NRXN1: variants seen among roughly 807,000 people sequenced by gnomAD.
The protein encoded by NRXN1 is neurexin-1.
Under a neutral mutation model 150.9 loss-of-function variants are expected in NRXN1, and 39 were observed. The ratio of observed to expected loss-of-function variants is 0.26; its 90% CI spans 0.20 to 0.34. The LOEUF is 0.34. Ranked by LOEUF, NRXN1 falls within the 10% of genes least tolerant of loss-of-function variation. The pLI is 1.00. For synonymous variants in NRXN1, 924 were observed against 757.0 expected (o/e 1.22, Z -3.62); for missense variants, 1,815 against 1,949.9 (o/e 0.93, Z 1.30).
At chr2:50,112,748 T>A (rs1702544224) in intron 18 of NRXN1, among the ~76,000 whole-genome samples, 1 of 152,054 alleles carries the variant, frequency 6.6e-6, no homozygotes, top group African/African-American at 2.4e-5. Flanking sequence ...AGCATAAAAT[T>A]CATACCTGCC....
intron 2 of NRXN1, among the ~76,000 whole-genome samples, chr2:50,933,588 T>C (rs1412714275): frequency 6.6e-6 from 1 of 152,118 alleles, no homozygotes; most frequent in Non-Finnish European, 1.5e-5. Flanking sequence ...TTTGAAGATA[T>C]TATATATGTA....
At chr2:50,921,915 G>T in intron 4 of NRXN1, 35 bp from the exon 5 acceptor site, 1 of 1,354,400 alleles carries the variant, frequency 7.4e-7, no homozygotes, top group Non-Finnish European at 9.8e-7. Context: ...ATGAAGAAAG[G>T]GTTTCCAGAC....
intron 5 of NRXN1, among the ~76,000 whole-genome samples, chr2:50,792,299 A>C (rs1444237966): frequency 1.3e-5 from 2 of 152,098 alleles, no homozygotes; most frequent in South Asian, 4.1e-4. Context: ...AATACAGACT[A>C]TATTATTAAC....
intron 19 of NRXN1, among the ~76,000 whole-genome samples, chr2:50,062,254 G>T (rs1694657792): frequency 6.6e-6 from 1 of 152,038 alleles, no homozygotes; most frequent in African/African-American, 2.4e-5. Context: ...TTTGGGAGCT[G>T]ATTAGGTCAT....
In NRXN1 at chr2:50,432,122, C is replaced by G. The variant is rs571981017; in HGVS notation, c.3364+33320G>C. On this transcript the variant is annotated intron_variant, in intron 17 of 22. Transcript: ENST00000401669. ...CCTAGTTCATTTCAGGGAGTGAATACCTATGCTCCACACCCAGGCTCATTT... is the reference window on the plus strand; with the variant it reads ...CCTAGTTCATTTCAGGGAGTGAATAGCTATGCTCCACACCCAGGCTCATTT... 3.5e-4 allele frequency among the ~76,000 whole-genome samples: 54 copies of G among 152,240 alleles called. No individual in the cohort carries two copies. In the East Asian group the frequency reaches 9.7e-3, roughly 27 times the overall value.
chr2:50,698,243 C>T (rs979136402), intron 5 of NRXN1, among the ~76,000 whole-genome samples: 1 of 152,186 alleles, frequency 6.6e-6, no homozygotes, highest in Non-Finnish European at 1.5e-5. Context: ...TGTCCAAGGA[C>T]ATTTGGTAGT....
intron 5 of NRXN1, among the ~76,000 whole-genome samples, chr2:50,807,794 G>C (rs10490177): frequency 0.1 from 15,797 of 152,110 alleles, 910 homozygotes; most frequent in Admixed American, 0.14. Flanking sequence ...ACAAAAGAAA[G>C]TAATCTTCTT....
chr2:50,148,695 G>C (rs2058514444), intron 18 of NRXN1, among the ~76,000 whole-genome samples: 1 of 151,710 alleles, frequency 6.6e-6, no homozygotes, highest in Non-Finnish European at 1.5e-5. Flanking sequence ...AAGTGCCCCT[G>C]ATGCTACTGT....
At chr2:50,090,623 T>G in intron 19 of NRXN1, among the ~76,000 whole-genome samples, 1 of 152,184 alleles carries the variant, frequency 6.6e-6, no homozygotes, top group East Asian at 1.9e-4. Flanking sequence ...CTACCACCTT[T>G]GTTTCAATAA....
chr2:50,044,993 T>C (rs1262174314), intron 21 of NRXN1, among the ~76,000 whole-genome samples: 1 of 152,194 alleles, frequency 6.6e-6, no homozygotes, highest in African/African-American at 2.4e-5. Flanking sequence ...GTGCTATTTG[T>C]CTGCTTGAGA....
chr2:50,802,709 G>C (rs1002684037), intron 5 of NRXN1, among the ~76,000 whole-genome samples: 3 of 152,078 alleles, frequency 2.0e-5, no homozygotes, highest in African/African-American at 7.2e-5. Context: ...GTTAAAATGA[G>C]GTCATTCATG....
chr2:50,202,155 C>G (rs947035757), intron 18 of NRXN1, among the ~76,000 whole-genome samples: 1 of 152,100 alleles, frequency 6.6e-6, no homozygotes, highest in Non-Finnish European at 1.5e-5. Context: ...CAAAGGGCTA[C>G]AGCAAACGAA....
At chr2:50,837,202 C>T (rs116678196) in intron 5 of NRXN1, among the ~76,000 whole-genome samples, 601 of 152,202 alleles carry the variant, frequency 3.9e-3, no homozygotes, top group African/African-American at 5.0e-3. Context: ...TCTTAAGAAA[C>T]AACAAGTAGT....
intron 17 of NRXN1, among the ~76,000 whole-genome samples, chr2:50,291,861 G>C (rs1209449036): frequency 6.6e-6 from 1 of 152,164 alleles, no homozygotes; most frequent in Non-Finnish European, 1.5e-5. Flanking sequence ...GCAGAGGCTT[G>C]AGTAAGCATT....
intron 5 of NRXN1, among the ~76,000 whole-genome samples, chr2:50,710,759 T>C (rs186835195): frequency 2.6e-5 from 4 of 152,332 alleles, no homozygotes; most frequent in Non-Finnish European, 5.9e-5. Flanking sequence ...CATCTAACTT[T>C]AAGTTTGCTT....
intron 5 of NRXN1, among the ~76,000 whole-genome samples, chr2:50,682,082 A>C (rs1690493702): frequency 6.6e-6 from 1 of 152,276 alleles, no homozygotes; most frequent in East Asian, 1.9e-4. Flanking sequence ...GCCATTAAAG[A>C]CAAGGCCCAT....
At chr2:50,399,610 A>C (rs1331164703) in intron 17 of NRXN1, among the ~76,000 whole-genome samples, 1 of 151,764 alleles carries the variant, frequency 6.6e-6, no homozygotes, top group African/African-American at 2.4e-5. Context: ...ACTTGTGTGC[A>C]TGGAGTTAGG....
At chr2:50,963,991 T>C (rs1473582203) in intron 2 of NRXN1, 2 of 442,470 alleles carry the variant, frequency 4.5e-6, no homozygotes, top group Middle Eastern at 3.3e-4. Flanking sequence ...CTTCTCTTTA[T>C]GAAAAATAGA....
intron 18 of NRXN1, among the ~76,000 whole-genome samples, chr2:50,159,529 A>G (rs2152783810): frequency 6.6e-6 from 1 of 152,322 alleles, no homozygotes; most frequent in Non-Finnish European, 1.5e-5. Flanking sequence ...TAAAAAGTAC[A>G]GCTAATTCTT....
Sources: allele counts gnomAD v4.1 joint callset (sites outside exome capture counted in the v4.1 genomes callset), GRCh38; gene constraint gnomAD v4.1.1; transcripts MANE v1.5; gene names NCBI Gene and HGNC (gene_info 2026-07-23, HGNC 2026-07-21).